WDR53: variants seen among roughly 807,000 people sequenced by gnomAD.
WDR53 encodes WD repeat-containing protein 53.
A neutral mutation model predicts 21.3 loss-of-function variants in WDR53; 19 were observed. The ratio of observed to expected loss-of-function variants is 0.89; its 90% CI spans 0.62 to 1.31. The LOEUF is 1.31. Ranked by LOEUF, WDR53 falls within the 50% of genes most tolerant of loss-of-function variation. The pLI is 0.00. For synonymous variants in WDR53, 157 were observed against 163.4 expected (o/e 0.96, Z 0.30); for missense variants, 374 against 423.2 (o/e 0.88, Z 1.02).
chr3:196,561,050 C>T lies in WDR53; in HGVS notation c.426G>A (p.Val142=), dbSNP rs530005049. ...LKRHSNICSS[V]AFRPQRPQSL... is the part of the protein sequence containing the mutation. Reference sequence around the variant, plus strand: ...TCTGAGGCCTCTGAGGCCGAAAAGCCACTGAGGAGCAGATATTGGAATGTC... The same window carrying T: ...TCTGAGGCCTCTGAGGCCGAAAAGCTACTGAGGAGCAGATATTGGAATGTC... Residue 142 remains valine, a synonymous_variant, in exon 3 of 4, where the codon GTG becomes GTA. Transcript: ENST00000332629. 43 of 1,614,214 alleles carry T rather than the reference C, an allele frequency of 2.7e-5. 1 individual carries two copies. The South Asian group carries it at 4.6e-4, about 17-fold the overall frequency.
chr3:196,568,470 T>G (rs1735657487), intron 1 of WDR53, 49 bp downstream of exon 1: 1 of 152,794 alleles, frequency 6.5e-6, no homozygotes, highest in Admixed American at 6.5e-5. Context: ...GAAAACAGCA[T>G]CGAAGTCACC....
In WDR53 at chr3:196,561,243, A is replaced by C. The variant is rs1734823615; in HGVS notation, c.233T>G (p.Leu78Arg). 1 of 1,614,152 alleles carries C rather than the reference A, an allele frequency of 6.2e-7. No individual in the cohort carries two copies. The highest frequency in any genetic ancestry group is 1.7e-5 in the Admixed American group (1 of 60,004). Residue 78 changes from leucine to arginine, a missense_variant, in exon 3 of 4, where the codon CTG becomes CGG. Leu to Arg is a moderately radical substitution (Grantham distance 102). Transcript: ENST00000332629. ...GGAATCTTTGAGGGACCTGACATCC[A>C]GTACACTAATGGTTTCTCCATGTGA... The part of the protein sequence containing the change: ...YASHGETISV[L>R]DVRSLKDSLD...
At chr3:196,558,392 A>T (rs976436438) in intron 3 of WDR53, among the ~76,000 whole-genome samples, 1 of 151,866 alleles carries the variant, frequency 6.6e-6, no homozygotes, top group African/African-American at 2.4e-5. Context: ...TTTTCGGTAG[A>T]GATAGGGTTT....
chr3:196,561,975 A>C (rs1020584341), intron 2 of WDR53, among the ~76,000 whole-genome samples: 2 of 152,210 alleles, frequency 1.3e-5, no homozygotes, highest in Non-Finnish European at 2.9e-5. Flanking sequence ...GAGGATAATA[A>C]TGACACTCAT....
chr3:196,561,140 A>C lies in WDR53; in HGVS notation c.336T>G (p.Ala112=). The change falls in exon 3 of 4, where the codon GCT becomes GCG. Residue 112 remains alanine, a synonymous_variant. Coordinates refer to ENST00000332629, the MANE Select transcript of WDR53 (RefSeq NM_182627.3). ...LNQTENLLAS[A]DDSGAIKILD... is the part of the protein sequence containing the mutation. ...GGATTTTGATTGCCCCAGAGTCGTC[A>C]GCAGAAGCCAGCAGGTTTTCCGTTT... 1 of 1,614,248 alleles carries C rather than the reference A, an allele frequency of 6.2e-7. No homozygotes were observed. The highest frequency in any genetic ancestry group is 8.5e-7 in the Non-Finnish European group (1 of 1,180,048).
intron 2 of WDR53, among the ~76,000 whole-genome samples, chr3:196,564,552 G>C (rs1254259318): frequency 6.6e-6 from 1 of 151,520 alleles, no homozygotes; most frequent in Non-Finnish European, 1.5e-5. Flanking sequence ...TTGTAGAGAT[G>C]AGGTTTCCCC....
Position 196,561,013 on chromosome 3 carries a change from A to G in WDR53, c.463T>C (p.Cys155Arg), listed in dbSNP as rs765414668. Residue 155 changes from cysteine (C) to arginine (R), a missense_variant, in exon 3 of 4, where the codon TGT becomes CGT. Transcript: ENST00000332629. Reference protein sequence around the residue: ...RPQRPQSLVSCGLDMQVMLWS... With the variant: ...RPQRPQSLVSRGLDMQVMLWS... ...AGCATCACCTGCATATCCAGTCCAC[A>G]TGACACCAGGCTCTGAGGCCTCTGA... 49 of 1,613,644 alleles carry G rather than the reference A, an allele frequency of 3.0e-5. No homozygotes were observed. Among genetic ancestry groups the G allele is most frequent in the Non-Finnish European group, 4.2e-5 (49 of 1,179,868 alleles).
At chr3:196,563,746 A>G (rs902679452) in intron 2 of WDR53, among the ~76,000 whole-genome samples, 2 of 152,050 alleles carry the variant, frequency 1.3e-5, no homozygotes, top group South Asian at 4.1e-4. Flanking sequence ...TAACTTTTCC[A>G]TTTTTAGTAG....
intron 3 of WDR53, among the ~76,000 whole-genome samples, chr3:196,555,087 G>A (rs1734213613): frequency 6.6e-6 from 1 of 152,190 alleles, no homozygotes; most frequent in Admixed American, 6.5e-5. Context: ...GCAGCTGCCA[G>A]TTTCTAAAGG....
At chr3:196,555,870 C>T (rs1283993635) in intron 3 of WDR53, among the ~76,000 whole-genome samples, 1 of 152,132 alleles carries the variant, frequency 6.6e-6, no homozygotes, top group Non-Finnish European at 1.5e-5. Context: ...TCTAGTAACA[C>T]TTACATTCTG....
chr3:196,555,659 C>G (rs1437326543), intron 3 of WDR53, among the ~76,000 whole-genome samples: 1 of 152,184 alleles, frequency 6.6e-6, no homozygotes, highest in African/African-American at 2.4e-5. Context: ...ACAGCTTTAT[C>G]ATGTAGTTTA....
intron 2 of WDR53, among the ~76,000 whole-genome samples, chr3:196,564,398 T>C (rs67645163): frequency 2.0e-3 from 29 of 14,530 alleles, no homozygotes; most frequent in South Asian, 4.1e-3. Flanking sequence ...CTTTTTTCTT[T>C]TTTTTTTTTT....
intron 2 of WDR53, among the ~76,000 whole-genome samples, chr3:196,563,080 T>A (rs1735034319): frequency 6.6e-6 from 1 of 152,158 alleles, no homozygotes; most frequent in South Asian, 2.1e-4. Context: ...ATAATGAAGG[T>A]CCTTTTCTAA....
At position 196,564,852 on chromosome 3, in the gene WDR53, A is replaced by G. The variant is rs571296625; in HGVS notation, c.-17+2025T>C. On this transcript the variant is annotated intron_variant, in intron 2 of 3. Transcript: ENST00000332629. ...TTTTCTCTGAAACAAGAATGAGGCA[A>G]GGTTTCTAGTGCTCCTGTTTCTCCA... 2.0e-5 allele frequency among the ~76,000 whole-genome samples: 3 copies of G among 152,294 alleles called. No homozygotes were observed. The South Asian group carries it at 6.2e-4, about 32-fold the overall frequency.
chr3:196,568,404 G>C (rs1735647205), intron 1 of WDR53, 115 bp downstream of exon 1: 2 of 152,836 alleles, frequency 1.3e-5, no homozygotes, highest in East Asian at 3.8e-4. Context: ...TCACAGGAAA[G>C]GGAGCCCAGG....
intron 1 of WDR53, 92 bp from the exon 2 acceptor site, chr3:196,567,399 CAG>C (rs1735512748): frequency 1.4e-5 from 5 of 364,320 alleles, no homozygotes; most frequent in Non-Finnish European, 2.7e-5. Flanking sequence ...CACCATGAAT[CAG>C]AGGGTAGGGA....
chr3:196,562,278 T>C (rs1348832925), intron 2 of WDR53, among the ~76,000 whole-genome samples: 1 of 152,176 alleles, frequency 6.6e-6, no homozygotes, highest in Non-Finnish European at 1.5e-5. Context: ...TTTTGTTTTC[T>C]GAGATGGAGT....
chr3:196,568,181 G>A (rs1182737721), intron 1 of WDR53, among the ~76,000 whole-genome samples: 2 of 152,146 alleles, frequency 1.3e-5, no homozygotes, highest in Non-Finnish European at 2.9e-5. Flanking sequence ...GTGTTCAGTC[G>A]CAGCCACCTT....
At chr3:196,567,661 T>C (rs1560312534) in intron 1 of WDR53, among the ~76,000 whole-genome samples, 1 of 152,194 alleles carries the variant, frequency 6.6e-6, no homozygotes. Flanking sequence ...ATGGTTATTA[T>C]TATTCTCTTA....
Sources: allele counts gnomAD v4.1 joint callset (sites outside exome capture counted in the v4.1 genomes callset), GRCh38; gene constraint gnomAD v4.1.1; transcripts MANE v1.5; gene names NCBI Gene and HGNC (gene_info 2026-07-23, HGNC 2026-07-21).